Variants in LRIT3 observed in about 807,000 individuals in gnomAD.
LRIT3 encodes the protein leucine rich repeat, Ig-like and transmembrane domains 3, also known as leucine-rich repeat, immunoglobulin-like domain and transmembrane domain-containing protein 3.
In LRIT3, 14 loss-of-function variants were observed where a neutral mutation model predicts 22.6. The observed-to-expected ratio is 0.62, with a 90% CI of 0.41 to 0.97. The LOEUF is 0.97. Among genes scored for constraint, LRIT3 ranks in the 50% least tolerant of loss-of-function variants. The pLI is 0.00. For synonymous variants in LRIT3, 306 were observed against 304.5 expected (o/e 1.01, Z -0.05); for missense variants, 783 against 803.0 (o/e 0.98, Z 0.30).
chr4:109,864,284 T>C (rs1324951760), intron 2 of LRIT3, among the ~76,000 whole-genome samples: 1 of 152,184 alleles, frequency 6.6e-6, no homozygotes. Context: ...TAACTTAAAA[T>C]ATCCCCTTTC....
At chr4:109,859,547 G>T (rs140948787) in intron 2 of LRIT3, among the ~76,000 whole-genome samples, 1 of 152,156 alleles carries the variant, frequency 6.6e-6, no homozygotes, top group African/African-American at 2.4e-5. Flanking sequence ...CTAGACAACC[G>T]GTTAGACCAG....
chr4:109,859,856 C>T (rs1358492066), intron 2 of LRIT3, among the ~76,000 whole-genome samples: 3 of 152,302 alleles, frequency 2.0e-5, no homozygotes, highest in East Asian at 3.9e-4. Context: ...TTACACAATC[C>T]TGCATGCAAT....
chr4:109,851,999 T>C, intron 2 of LRIT3, 23 bp downstream of exon 2: 1 of 1,497,318 alleles, frequency 6.7e-7, no homozygotes, highest in South Asian at 1.3e-5. Flanking sequence ...GCCTCTGGGC[T>C]TTTCATCTAT....
rs1305883129 is a variant in LRIT3 at position 109,851,434 on chromosome 4, AT to A, written c.117-69del. 1.2e-5 allele frequency: 17 copies of A among 1,460,252 alleles called. No homozygotes were observed. In the Middle Eastern group the frequency reaches 1.0e-3, roughly 86 times the overall value. The allele number at this position is 1,460,252 out of a possible 1,614,324, so 90.5% of individuals were successfully genotyped here. ...AGCTGAAAATTGATACATTTTTCAA[AT>A]GAGAAGTATTTTTTTCAAATGGGTG... On this transcript the variant is annotated intron_variant, in intron 1 of 3. Transcript: ENST00000594814.
chr4:109,867,556 G>C, intron 2 of LRIT3, 85 bp from the exon 3 acceptor site: 1 of 1,259,852 alleles, frequency 7.9e-7, no homozygotes. Context: ...GGGAGACAGT[G>C]TAGATCCCTA....
chr4:109,858,121 G>T (rs1734447867), intron 2 of LRIT3, among the ~76,000 whole-genome samples: 1 of 152,148 alleles, frequency 6.6e-6, no homozygotes, highest in South Asian at 2.1e-4. Flanking sequence ...ATCATCTACA[G>T]AACCAGGCAT....
intron 2 of LRIT3, among the ~76,000 whole-genome samples, chr4:109,860,008 T>G (rs554036228): frequency 6.6e-6 from 1 of 152,328 alleles, no homozygotes; most frequent in South Asian, 2.1e-4. Flanking sequence ...AAATTGTCCT[T>G]TATTGTATCC....
chr4:109,856,686 T>C lies in LRIT3; in HGVS notation c.589+4710T>C, dbSNP rs556112342. Reference sequence around the variant, plus strand: ...AAAAATCAGAAATATTCCAATCACATTGCATTTGTAATCCGTGTTCTAAAC... The same window carrying C: ...AAAAATCAGAAATATTCCAATCACACTGCATTTGTAATCCGTGTTCTAAAC... On this transcript the variant is annotated intron_variant, in intron 2 of 3. Transcript: ENST00000594814. 2.6e-5 allele frequency among the ~76,000 whole-genome samples: 4 copies of C among 152,322 alleles called. No homozygotes were observed. The South Asian group carries it at 8.3e-4, about 32-fold the overall frequency.
chr4:109,851,113 G>A (rs1188720512), intron 1 of LRIT3, among the ~76,000 whole-genome samples: 2 of 152,194 alleles, frequency 1.3e-5, no homozygotes. Context: ...GGGTGACCTT[G>A]GAAAGTTACT....
intron 2 of LRIT3, among the ~76,000 whole-genome samples, chr4:109,861,150 C>T (rs773783063): frequency 6.6e-6 from 1 of 152,090 alleles, no homozygotes; most frequent in East Asian, 1.9e-4. Flanking sequence ...AGGCAGATCA[C>T]TTTTAGTCAG....
intron 2 of LRIT3, among the ~76,000 whole-genome samples, chr4:109,856,754 C>A (rs1734412711): frequency 6.6e-6 from 1 of 152,088 alleles, no homozygotes; most frequent in South Asian, 2.1e-4. Context: ...TGTCTTAGAT[C>A]ATTAATTTGA....
At chr4:109,852,061 G>A in intron 2 of LRIT3, 85 bp downstream of exon 2, 4 of 1,316,784 alleles carry the variant, frequency 3.0e-6, no homozygotes, top group Non-Finnish European at 4.1e-6. Flanking sequence ...AAATTTGTTG[G>A]ATTTGGCTTT....
At chr4:109,867,567 C>T (rs1482201189) in intron 2 of LRIT3, 74 bp from the exon 3 acceptor site, 8 of 1,183,918 alleles carry the variant, frequency 6.8e-6, no homozygotes, top group Non-Finnish European at 9.1e-6. Flanking sequence ...TAGATCCCTA[C>T]TTTCTCAAGA....
At chr4:109,850,354 TCTTCCTTCCTTCCTTC>T (rs1375109499) in intron 1 of LRIT3, among the ~76,000 whole-genome samples, 1 of 137,060 alleles carries the variant, frequency 7.3e-6, no homozygotes, top group Non-Finnish European at 1.6e-5. Context: ...GACAGTGTTG[TCTTCCTTCCTTCCTTC>T]CTTCCTTCCT....
intron 2 of LRIT3, among the ~76,000 whole-genome samples, chr4:109,854,482 G>C (rs1304328223): frequency 6.6e-6 from 1 of 151,428 alleles, no homozygotes; most frequent in Admixed American, 6.6e-5. Flanking sequence ...TGGCTAAGAT[G>C]ATGGGGTTTT....
intron 2 of LRIT3, among the ~76,000 whole-genome samples, chr4:109,858,371 T>C (rs1446185503): frequency 6.6e-6 from 1 of 152,076 alleles, no homozygotes; most frequent in Non-Finnish European, 1.5e-5. Context: ...GTTAGCATGG[T>C]CATTTTCTTC....
At chr4:109,850,669 G>A (rs557132989) in intron 1 of LRIT3, among the ~76,000 whole-genome samples, 20 of 151,630 alleles carry the variant, frequency 1.3e-4, no homozygotes, top group African/African-American at 4.4e-4. Context: ...TGGAGTCGGG[G>A]TTTCGTCATG....
chr4:109,851,443 A>G (rs1295029568), intron 1 of LRIT3, 61 bp from the exon 2 acceptor site: 5 of 1,461,792 alleles, frequency 3.4e-6, no homozygotes, highest in Non-Finnish European at 4.5e-6. Flanking sequence ...AATGAGAAGT[A>G]TTTTTTTCAA....
intron 2 of LRIT3, among the ~76,000 whole-genome samples, chr4:109,867,410 T>C (rs1400196421): frequency 1.3e-5 from 2 of 152,212 alleles, no homozygotes. Flanking sequence ...ACAGAGTGAA[T>C]GCTCAATAAG....
Sources: allele counts gnomAD v4.1 joint callset (sites outside exome capture counted in the v4.1 genomes callset), GRCh38; gene constraint gnomAD v4.1.1; transcripts MANE v1.5; gene names NCBI Gene and HGNC (gene_info 2026-07-23, HGNC 2026-07-21).